The following CABLES1 variants were observed in gnomAD, a reference collection of about 807,000 sequenced individuals.
CABLES1 encodes the protein Cdk5 and Abl enzyme substrate 1, also known as CDK5 and ABL1 enzyme substrate 1.
A neutral mutation model predicts 57.8 loss-of-function variants in CABLES1; 36 were observed. That is an observed-to-expected ratio of 0.62 (90% CI 0.48 to 0.82). CABLES1 has a LOEUF of 0.82. CABLES1 is among the 40% of genes least tolerant of loss of function. CABLES1 has a pLI of 0.00. For synonymous variants in CABLES1, 374 were observed against 363.0 expected (o/e 1.03, Z -0.35); for missense variants, 767 against 836.6 (o/e 0.92, Z 1.03).
chr18:23,219,805 A>G (rs1421660870), intron 4 of CABLES1, among the ~76,000 whole-genome samples: 2 of 152,266 alleles, frequency 1.3e-5, no homozygotes, highest in African/African-American at 4.8e-5. Context: ...GTGTTGAACA[A>G]GGAATTTATG....
intron 1 of CABLES1, among the ~76,000 whole-genome samples, chr18:23,173,508 TCTAAA>T (rs1341640998): frequency 6.6e-6 from 1 of 152,242 alleles, no homozygotes; most frequent in Non-Finnish European, 1.5e-5. Flanking sequence ...GCTTAGCAGG[TCTAAA>T]AACAGTTCTA....
At chr18:23,200,540 G>A (rs1174943061) in intron 3 of CABLES1, among the ~76,000 whole-genome samples, 1 of 152,120 alleles carries the variant, frequency 6.6e-6, no homozygotes, top group Non-Finnish European at 1.5e-5. Context: ...GGGATTACAG[G>A]CGTGAGCCAC....
At position 23,178,738 on chromosome 18, in the gene CABLES1, AGATAACCTCACACCTT is replaced by A. The variant is rs1358060411; in HGVS notation, c.846-10096_846-10081del. 4.6e-5 allele frequency among the ~76,000 whole-genome samples: 7 copies of A among 152,352 alleles called. No homozygotes were observed. The South Asian group carries it at 1.4e-3, about 32-fold the overall frequency. On this transcript the variant is annotated intron_variant, in intron 1 of 9. Coordinates refer to ENST00000256925, the MANE Select transcript of CABLES1 (RefSeq NM_001100619.3). The stretch of plus-strand genomic sequence containing the variant: ...CAGCTCTAAATAGCCCCATATACCA[AGATAACCTCACACCTT>A]GATTTTTCAGGATTTGGCAAGTCTG...
rs919525358 is a variant in CABLES1 at position 23,176,415 on chromosome 18, G to A, written c.846-12423G>A. The stretch of plus-strand genomic sequence containing the variant: ...CCCAGGCAGTAATGCTTGCTTGCCC[G>A]CCACTTGCCTGCTACTGTGTGGCCC... On this transcript the variant is annotated intron_variant, in intron 1 of 9. Transcript: ENST00000256925. Among the ~76,000 whole-genome samples the A allele has an allele frequency of 4.6e-5, 7 of 152,110 alleles. 1 individual carries two copies. In the South Asian group the frequency reaches 1.0e-3, roughly 23 times the overall value.
intron 3 of CABLES1, among the ~76,000 whole-genome samples, chr18:23,203,270 C>A (rs988326382): frequency 6.6e-6 from 1 of 152,064 alleles, no homozygotes; most frequent in Admixed American, 6.5e-5. Context: ...GAAGTGCCGC[C>A]TCCTGGGTCT....
At chr18:23,219,853 ATCAGCAACT>A (rs1379489215) in intron 4 of CABLES1, among the ~76,000 whole-genome samples, 1 of 152,196 alleles carries the variant, frequency 6.6e-6, no homozygotes, top group Admixed American at 6.5e-5. Context: ...TCTGTCAATA[ATCAGCAACT>A]TCTCGAGCAC....
intron 1 of CABLES1, among the ~76,000 whole-genome samples, chr18:23,154,895 A>G (rs1203519934): frequency 1.3e-5 from 2 of 152,244 alleles, no homozygotes; most frequent in African/African-American, 2.4e-5. Flanking sequence ...TGCACTGTCT[A>G]AGAACATACG....
At position 23,213,969 on chromosome 18, in the gene CABLES1, T is replaced by C. The variant is rs1318515260; in HGVS notation, c.1011-8T>C. Reference sequence around the variant, plus strand: ...TGTTTGTTGTTTGTTCTTCTTTTTATTTTTTAGAATAGTCCTTATCAGTGG... The same window carrying C: ...TGTTTGTTGTTTGTTCTTCTTTTTACTTTTTAGAATAGTCCTTATCAGTGG... On this transcript the variant is annotated splice_polypyrimidine_tract_variant and splice_region_variant and intron_variant, in intron 3 of 9. Coordinates refer to ENST00000256925, the MANE Select transcript of CABLES1 (RefSeq NM_001100619.3). 8 of 1,570,990 alleles carry C rather than the reference T, an allele frequency of 5.1e-6. No homozygotes were observed. The highest frequency in any genetic ancestry group is 6.1e-6 in the Non-Finnish European group (7 of 1,153,914).
intron 7 of CABLES1, among the ~76,000 whole-genome samples, chr18:23,238,001 C>T (rs139078738): frequency 1.3e-5 from 2 of 152,336 alleles, no homozygotes; most frequent in East Asian, 1.9e-4. Flanking sequence ...AGGTGGGAGA[C>T]ATCCACCCAG....
intron 1 of CABLES1, among the ~76,000 whole-genome samples, chr18:23,157,552 C>G (rs1289272094): frequency 6.6e-6 from 1 of 152,184 alleles, no homozygotes; most frequent in Admixed American, 6.5e-5. Flanking sequence ...ATATTTCAGG[C>G]TCTGAAGGCC....
chr18:23,226,048 G>T lies in CABLES1; in HGVS notation c.1089-8560G>T, dbSNP rs79775227. 9.7e-4 allele frequency among the ~76,000 whole-genome samples: 147 copies of T among 152,328 alleles called. 1 individual carries two copies. The highest frequency in any genetic ancestry group is 3.3e-3 in the African/African-American group (138 of 41,566). ...GGAATAGCTTAGGGGAAAGGGTCCT[G>T]GAGTCCTAAGAAGGAAAGGGAAGTT... On this transcript the variant is annotated intron_variant, in intron 4 of 9. Coordinates refer to ENST00000256925, the MANE Select transcript of CABLES1 (RefSeq NM_001100619.3).
intron 1 of CABLES1, among the ~76,000 whole-genome samples, chr18:23,145,636 A>G (rs943001850): frequency 6.6e-6 from 1 of 152,234 alleles, no homozygotes; most frequent in Non-Finnish European, 1.5e-5. Flanking sequence ...CAGACCACTT[A>G]GTATTACATA....
intron 1 of CABLES1, among the ~76,000 whole-genome samples, chr18:23,153,499 T>C (rs1040091198): frequency 1.3e-5 from 2 of 152,076 alleles, no homozygotes; most frequent in African/African-American, 4.8e-5. Flanking sequence ...TTTGGGAGGC[T>C]GAGGCAGACA....
chr18:23,175,875 C>T (rs1343558152), intron 1 of CABLES1, among the ~76,000 whole-genome samples: 2 of 151,858 alleles, frequency 1.3e-5, no homozygotes, highest in Non-Finnish European at 2.9e-5. Flanking sequence ...GAAGGGGTTT[C>T]AAAGAAAGAA....
At chr18:23,252,845 C>T (rs1471974210) in intron 7 of CABLES1, 115 bp from the exon 8 acceptor site, 1 of 661,844 alleles carries the variant, frequency 1.5e-6, no homozygotes, top group African/African-American at 1.8e-5. Flanking sequence ...AGCTCCAATG[C>T]AAGTTTTCCC....
chr18:23,186,088 A>G (rs1050314774), intron 1 of CABLES1, among the ~76,000 whole-genome samples: 1 of 152,156 alleles, frequency 6.6e-6, no homozygotes, highest in Non-Finnish European at 1.5e-5. Flanking sequence ...TGAAGTGGGT[A>G]TAGGTGTGGA....
At chr18:23,226,809 C>T (rs748231243) in intron 4 of CABLES1, among the ~76,000 whole-genome samples, 2 of 152,064 alleles carry the variant, frequency 1.3e-5, no homozygotes, top group Non-Finnish European at 2.9e-5. Flanking sequence ...CACATGGATC[C>T]GACCAGAAGA....
intron 1 of CABLES1, among the ~76,000 whole-genome samples, chr18:23,153,686 A>G (rs2046947503): frequency 6.6e-6 from 1 of 152,228 alleles, no homozygotes; most frequent in East Asian, 1.9e-4. Flanking sequence ...GTGAGCAGAG[A>G]TCGCACCACT....
chr18:23,189,616 T>G (rs967797557), intron 2 of CABLES1, among the ~76,000 whole-genome samples: 10 of 152,132 alleles, frequency 6.6e-5, no homozygotes, highest in Admixed American at 3.9e-4. Flanking sequence ...CACAGGGGCT[T>G]CCCGGGGACT....
Sources: allele counts gnomAD v4.1 joint callset (sites outside exome capture counted in the v4.1 genomes callset), GRCh38; gene constraint gnomAD v4.1.1; transcripts MANE v1.5; gene names NCBI Gene and HGNC (gene_info 2026-07-23, HGNC 2026-07-21).